The following CDKL1 variants were observed in gnomAD, a reference collection of about 807,000 sequenced individuals.
CDKL1 encodes the protein cyclin-dependent kinase-like 1.
In CDKL1, 41 loss-of-function variants were observed where a neutral mutation model predicts 42.0. The ratio of observed to expected loss-of-function variants is 0.98; its 90% confidence interval spans 0.76 to 1.27. CDKL1 has a LOEUF of 1.27. Among genes scored for constraint, CDKL1 ranks in the 50% most tolerant of loss-of-function variants. The pLI, the probability that CDKL1 is intolerant of heterozygous loss-of-function variation, is 0.00. For missense variants in CDKL1, 394 were observed against 428.4 expected, an observed-to-expected ratio of 0.92 and a Z score of 0.71; for synonymous variants, 153 against 158.6, an observed-to-expected ratio of 0.96 and a Z score of 0.26.
intron 2 of CDKL1, among the ~76,000 whole-genome samples, chr14:50,379,671 C>T (rs538142943): frequency 2.6e-4 from 39 of 152,286 alleles, no homozygotes; most frequent in African/African-American, 9.1e-4. Flanking sequence ...ACAGCTGGCT[C>T]ATGTGTCACC....
chr14:50,371,645 C>T (rs1475181929), intron 2 of CDKL1, among the ~76,000 whole-genome samples: 2 of 152,212 alleles, frequency 1.3e-5, no homozygotes, highest in African/African-American at 2.4e-5. Flanking sequence ...GTGGGGGAGG[C>T]GCAGCCATGG....
rs138244157 is a variant in CDKL1 at position 50,351,579 on chromosome 14, C to G, written c.291-6521G>C. Among the ~76,000 whole-genome samples the G allele has an allele frequency of 3.1e-4, 47 of 151,702 alleles. No homozygotes were observed. In the East Asian group the frequency reaches 7.0e-3, roughly 23 times the overall value. On this transcript the variant is annotated intron_variant, in intron 3 of 9. Transcript: ENST00000395834. ...TGATATCCCATCTCTACAAAAAATACAAAAAATTAGCCAAGCGTGGTGGCA... is the reference window on the plus strand; with the variant it reads ...TGATATCCCATCTCTACAAAAAATAGAAAAAATTAGCCAAGCGTGGTGGCA...
intron 3 of CDKL1, among the ~76,000 whole-genome samples, chr14:50,351,265 A>T (rs1438948990): frequency 6.6e-6 from 1 of 152,060 alleles, no homozygotes; most frequent in East Asian, 1.9e-4. Context: ...AATTACAAGG[A>T]TGATGGCAAA....
chr14:50,359,029 C>T lies in CDKL1; in HGVS notation c.289G>A (p.Gly97Arg), dbSNP rs765445453. The part of the protein sequence containing the change: ...VLHELDRYQR[G>R]VPEHLVKSIT... ...GCTTGTAAGGGATGGATCACTCACC[C>T]TCTTTGGTATCTGTCCAACTCATGG... Residue 97 changes from glycine (G) to arginine (R), a missense_variant and splice_region_variant, in exon 3 of 10, where the codon GGG becomes AGG. Transcript: ENST00000395834. 3 of 1,610,768 alleles carry T rather than the reference C, an allele frequency of 1.9e-6. No individual in the cohort carries two copies. The African/African-American group carries it at 4.0e-5, about 22-fold the overall frequency.
At chr14:50,332,121 G>T in intron 9 of CDKL1, 141 bp downstream of exon 9, 1 of 1,606,180 alleles carries the variant, frequency 6.2e-7, no homozygotes. Context: ...TGTCCCTGGG[G>T]CCCTGGTTGA....
chr14:50,362,225 G>A (rs1010196979), intron 2 of CDKL1: 13 of 317,958 alleles, frequency 4.1e-5, no homozygotes, highest in East Asian at 1.8e-4. Context: ...GATCAGAACC[G>A]CCCCCTGCTC....
chr14:50,342,993 T>G, intron 4 of CDKL1: 1 of 1,355,084 alleles, frequency 7.4e-7, no homozygotes, highest in Non-Finnish European at 9.8e-7. Context: ...CGGCCCCCCC[T>G]CCAGAATTTA....
chr14:50,343,213 T>C (rs2033616450), intron 4 of CDKL1, among the ~76,000 whole-genome samples: 1 of 138,728 alleles, frequency 7.2e-6, no homozygotes, highest in Admixed American at 7.8e-5. Context: ...CCTAATAATC[T>C]TCCTCTTTCC....
At chr14:50,385,175 A>G (rs550698481) in intron 2 of CDKL1, among the ~76,000 whole-genome samples, 1 of 151,584 alleles carries the variant, frequency 6.6e-6, no homozygotes, top group South Asian at 2.1e-4. Context: ...CCCACAGATT[A>G]TTAATTATAA....
At chr14:50,397,009 A>C, upstream of CDKL1, 1 of 1,118,276 alleles carries the variant, frequency 8.9e-7, no homozygotes, top group Non-Finnish European at 1.2e-6. Context: ...TCCCGGCTGC[A>C]GGGAAAGGCC....
intron 3 of CDKL1, among the ~76,000 whole-genome samples, chr14:50,354,723 G>A (rs1204422965): frequency 6.6e-6 from 1 of 152,168 alleles, no homozygotes; most frequent in African/African-American, 2.4e-5. Context: ...GTATAAACTT[G>A]CTTGTGTTAG....
At chr14:50,382,825 T>G (rs1251066406) in intron 2 of CDKL1, among the ~76,000 whole-genome samples, 3 of 152,150 alleles carry the variant, frequency 2.0e-5, no homozygotes, top group Non-Finnish European at 1.5e-5. Flanking sequence ...ACTCCTGAGC[T>G]CAAGCGATTT....
At chr14:50,331,164 C>T (rs889132287) in intron 9 of CDKL1, 8 of 152,294 alleles carry the variant, frequency 5.3e-5, no homozygotes, top group African/African-American at 1.9e-4. Context: ...ACCTGGGAGG[C>T]AGAGGTTGCA....
At position 50,395,666 on chromosome 14, in the gene CDKL1, C is replaced by G. The variant is rs771145326; in HGVS notation, c.168+35G>C. ...TGGGAGACAGAGTGAAACCCTGTCT[C>G]GAAAAAGAAAAAAAAGGAAAAGTGA... On this transcript the variant is annotated intron_variant, in intron 2 of 9. Coordinates refer to ENST00000395834, the MANE Select transcript of CDKL1 (RefSeq NM_004196.7). 5.4e-6 allele frequency: 8 copies of G among 1,473,418 alleles called. No homozygotes were observed. The African/African-American group carries it at 9.8e-5, about 18-fold the overall frequency. 91.3% of individuals were successfully genotyped at this position (1,473,418 alleles called of 1,614,324 possible). A position where few individuals can be genotyped will look rare whatever the true frequency, so the allele number is the denominator to read the frequency against.
At chr14:50,377,556 C>A in intron 2 of CDKL1, 2 of 1,327,158 alleles carry the variant, frequency 1.5e-6, no homozygotes, top group South Asian at 1.2e-5. Context: ...GTGGCCTTAG[C>A]TAGCAGGCCT....
At chr14:50,357,692 T>C (rs565065579) in intron 3 of CDKL1, among the ~76,000 whole-genome samples, 1 of 152,328 alleles carries the variant, frequency 6.6e-6, no homozygotes, top group African/African-American at 2.4e-5. Flanking sequence ...CCAGGGATAG[T>C]TGCGTCACCT....
chr14:50,332,878 C>A, intron 8 of CDKL1: 7 of 435,084 alleles, frequency 1.6e-5, no homozygotes, highest in Non-Finnish European at 2.8e-5. Flanking sequence ...TGTAGGTGTT[C>A]CCTTCACCCT....
intron 3 of CDKL1, 74 bp from the exon 4 acceptor site, chr14:50,345,132 A>G: frequency 7.3e-7 from 1 of 1,374,458 alleles, no homozygotes; most frequent in Non-Finnish European, 1.0e-6. Context: ...AGAAAAAATA[A>G]ACGAAGATAG....
chr14:50,388,740 C>T (rs1178805335), intron 2 of CDKL1, among the ~76,000 whole-genome samples: 1 of 152,138 alleles, frequency 6.6e-6, no homozygotes, highest in African/African-American at 2.4e-5. Flanking sequence ...CGATAAGGCA[C>T]GCCAGGCTCC....
Sources: allele counts gnomAD v4.1 joint callset (sites outside exome capture counted in the v4.1 genomes callset), GRCh38; gene constraint gnomAD v4.1.1; transcripts MANE v1.5; gene names NCBI Gene and HGNC (gene_info 2026-07-23, HGNC 2026-07-21).